Variants in ANO3 observed in about 807,000 individuals in gnomAD.
ANO3 encodes anoctamin 3.
A neutral mutation model predicts 144.8 loss-of-function variants in ANO3; 99 were observed. The ratio of observed to expected loss-of-function variants is 0.68; its 90% confidence interval spans 0.58 to 0.81. The LOEUF is 0.81. ANO3 is among the 30% of genes least tolerant of loss of function. ANO3 has a pLI of 0.00. For synonymous variants in ANO3, 414 were observed against 392.6 expected, an observed-to-expected ratio of 1.05 and a Z score of -0.64; for missense variants, 905 against 1,202.2, an observed-to-expected ratio of 0.75 and a Z score of 3.66.
intron 5 of ANO3, among the ~76,000 whole-genome samples, chr11:26,516,364 A>G (rs998373674): frequency 5.3e-5 from 8 of 151,666 alleles, no homozygotes; most frequent in Non-Finnish European, 1.2e-4. Flanking sequence ...GTATTATCAC[A>G]GGACCAAGCA....
At chr11:26,571,551 A>AG (rs1440514393) in intron 14 of ANO3, among the ~76,000 whole-genome samples, 6 of 152,094 alleles carry the variant, frequency 3.9e-5, no homozygotes, top group Non-Finnish European at 7.4e-5. Context: ...AGAAGCTTCT[A>AG]ATCTATTTTA....
At chr11:26,404,009 G>T (rs965199585) in intron 1 of ANO3, among the ~76,000 whole-genome samples, 5 of 151,568 alleles carry the variant, frequency 3.3e-5, no homozygotes, top group African/African-American at 7.3e-5. Flanking sequence ...TTCTTTGGTC[G>T]CATGCCATGC....
intron 1 of ANO3, among the ~76,000 whole-genome samples, chr11:26,365,971 TATATATATATATATATATATA>T (rs1455393150): frequency 0.04 from 2,756 of 68,600 alleles, 151 homozygotes; most frequent in African/African-American, 0.18. Flanking sequence ...TATATATATA[TATATATATATATATATATATA>T]TATATATATA....
At chr11:26,410,205 G>T (rs1280800044) in intron 1 of ANO3, among the ~76,000 whole-genome samples, 1 of 151,802 alleles carries the variant, frequency 6.6e-6, no homozygotes, top group African/African-American at 2.4e-5. Flanking sequence ...TGGCTTCTCT[G>T]GTAGTTTTAC....
chr11:26,486,869 T>C (rs1224733411), intron 4 of ANO3, among the ~76,000 whole-genome samples: 1 of 152,216 alleles, frequency 6.6e-6, no homozygotes, highest in Admixed American at 6.5e-5. Flanking sequence ...AAGCAGGCTG[T>C]TAGGAATGGA....
intron 17 of ANO3, among the ~76,000 whole-genome samples, chr11:26,614,687 A>G (rs1186864818): frequency 6.6e-6 from 1 of 152,156 alleles, no homozygotes; most frequent in Admixed American, 6.5e-5. Context: ...TGTGGTTGCA[A>G]TGGGGACCAC....
intron 1 of ANO3, among the ~76,000 whole-genome samples, chr11:26,419,427 C>A (rs1412553816): frequency 6.6e-6 from 1 of 152,070 alleles, no homozygotes; most frequent in Non-Finnish European, 1.5e-5. Flanking sequence ...TTGTTCACTG[C>A]TATTTCTCTA....
chr11:26,650,108 T>C (rs190553840), intron 24 of ANO3, among the ~76,000 whole-genome samples: 1 of 152,114 alleles, frequency 6.6e-6, no homozygotes, highest in Non-Finnish European at 1.5e-5. Flanking sequence ...CAAGCAAAGA[T>C]GTGGAGGGCT....
In ANO3 at chr11:26,660,699, CAG is replaced by C. The variant is rs763727478; in HGVS notation, c.*256_*257del. ...AGGATGTAATTCTCAGAACCAGTCTCAGGGAGATATATGCTTGGAGAACTCTG... is the reference window on the plus strand; with the variant it reads ...AGGATGTAATTCTCAGAACCAGTCTCGGAGATATATGCTTGGAGAACTCTG... On this transcript the variant is annotated 3_prime_UTR_variant, in exon 27 of 27. Coordinates refer to ENST00000256737, the MANE Select transcript of ANO3 (RefSeq NM_031418.4). The C allele has an allele frequency of 3.8e-5, 15 of 390,896 alleles. No homozygotes were observed. Among genetic ancestry groups the C allele is most frequent in the Non-Finnish European group, 6.8e-5 (15 of 220,398 alleles). 24.2% of individuals were successfully genotyped at this position (390,896 alleles called of 1,614,324 possible). A position where few individuals can be genotyped will look rare whatever the true frequency, so the allele number is the denominator to read the frequency against.
At chr11:26,306,470 G>A (rs894947566), upstream of ANO3, among the ~76,000 whole-genome samples, 18 of 152,062 alleles carry the variant, frequency 1.2e-4, no homozygotes, top group African/African-American at 3.9e-4. Context: ...AGGCTGACCA[G>A]CCTGGGCAAT....
intron 1 of ANO3, among the ~76,000 whole-genome samples, chr11:26,245,921 G>A (rs192640054): frequency 2.0e-5 from 3 of 152,320 alleles, no homozygotes; most frequent in Admixed American, 2.0e-4. Context: ...CTGTCCAGAT[G>A]GGTTGACAGA....
chr11:26,453,196 A>G (rs921746354), intron 3 of ANO3, among the ~76,000 whole-genome samples: 4 of 152,352 alleles, frequency 2.6e-5, no homozygotes, highest in East Asian at 1.9e-4. Context: ...ACCAGCTAAC[A>G]TCATAATGAC....
intron 1 of ANO3, among the ~76,000 whole-genome samples, chr11:26,264,468 A>T (rs1214645258): frequency 6.6e-6 from 1 of 152,216 alleles, no homozygotes; most frequent in Admixed American, 6.5e-5. Context: ...TTTATTTTTC[A>T]TAATACAAAG....
chr11:26,262,592 C>T (rs1253440464), intron 1 of ANO3, among the ~76,000 whole-genome samples: 1 of 151,884 alleles, frequency 6.6e-6, no homozygotes, highest in African/African-American at 2.4e-5. Flanking sequence ...CTGCCTCAAC[C>T]CAAACTTTAT....
At chr11:26,630,567 A>C (rs1305048678) in intron 18 of ANO3, among the ~76,000 whole-genome samples, 1 of 147,326 alleles carries the variant, frequency 6.8e-6, no homozygotes, top group African/African-American at 2.5e-5. Context: ...AGTTTTATAA[A>C]AAACAGTTTA....
Position 26,647,739 on chromosome 11 carries a change from G to A in ANO3, c.2459G>A (p.Gly820Asp), listed in dbSNP as rs1853395441. 1.9e-6 allele frequency: 3 copies of A among 1,611,110 alleles called. No homozygotes were observed. Among genetic ancestry groups the A allele is most frequent in the Non-Finnish European group, 2.5e-6 (3 of 1,178,320 alleles). ...GIWLGILEGI[G>D]ILAVITNAFV... ...TGGCTTGGAATTCTCGAAGGAATCG[G>A]TATATTGGCTGTGATCACCAATGCA... Residue 820 changes from glycine (G) to aspartate (D), a missense_variant, in exon 24 of 27, where the codon GGT becomes GAT. Coordinates refer to ENST00000256737, the MANE Select transcript of ANO3 (RefSeq NM_031418.4).
At chr11:26,232,324 T>C (rs1369493701) in intron 1 of ANO3, among the ~76,000 whole-genome samples, 1 of 152,070 alleles carries the variant, frequency 6.6e-6, no homozygotes, top group Non-Finnish European at 1.5e-5. Flanking sequence ...TCAGTGGCCA[T>C]TGTATGGGGT....
At position 26,378,288 on chromosome 11, in the gene ANO3, C is replaced by T. The variant is rs375326009; in HGVS notation, c.46+45967C>T. ...AAGTGGGTAGAGTTACTGATTTAGA[C>T]TCTCATGAGGTATACTATATATATA... On this transcript the variant is annotated intron_variant, in intron 1 of 26. Transcript: ENST00000256737. Among the ~76,000 whole-genome samples the T allele has an allele frequency of 6.7e-5, 10 of 149,754 alleles. No homozygotes were observed. In the South Asian group the frequency reaches 1.7e-3, roughly 25 times the overall value.
intron 4 of ANO3, among the ~76,000 whole-genome samples, chr11:26,465,125 TG>T (rs1239941761): frequency 7.2e-5 from 1 of 13,806 alleles, no homozygotes; most frequent in African/African-American, 1.9e-4. Context: ...ATCATTAAAT[TG>T]TGTGTGTGTG....
Sources: allele counts gnomAD v4.1 joint callset (sites outside exome capture counted in the v4.1 genomes callset), GRCh38; gene constraint gnomAD v4.1.1; transcripts MANE v1.5; gene names NCBI Gene and HGNC (gene_info 2026-07-23, HGNC 2026-07-21).